The following ARHGAP12 variants were observed in gnomAD, a reference collection of about 807,000 sequenced individuals.
ARHGAP12 encodes the protein rho GTPase-activating protein 12.
In ARHGAP12, 64 loss-of-function variants were observed where a neutral mutation model predicts 108.6. That is an observed-to-expected ratio of 0.59 (90% CI 0.48 to 0.73). The LOEUF is 0.73. Ranked by LOEUF, ARHGAP12 falls within the 30% of genes least tolerant of loss-of-function variation. The probability of loss-of-function intolerance (pLI) is 0.00; values close to 1 mark genes in which losing one functional copy is unlikely to be tolerated. For missense variants in ARHGAP12, 940 were observed against 1,005.9 expected (o/e 0.93, Z 0.89); for synonymous variants, 312 against 337.2 (o/e 0.93, Z 0.82).
chr10:31,920,468 A>G (rs1316906337), intron 1 of ARHGAP12, among the ~76,000 whole-genome samples: 2 of 150,950 alleles, frequency 1.3e-5, no homozygotes, highest in East Asian at 3.9e-4. Context: ...AAAAAAAAAA[A>G]AAAGAAAACT....
chr10:31,839,735 A>C (rs1159261150), intron 7 of ARHGAP12, 24 bp from the exon 8 acceptor site: 3 of 1,554,482 alleles, frequency 1.9e-6, no homozygotes. Context: ...GTAATGAAAA[A>C]AGTTACTCTA....
chr10:31,891,579 G>C (rs1248849634), intron 3 of ARHGAP12, among the ~76,000 whole-genome samples: 1 of 150,528 alleles, frequency 6.6e-6, no homozygotes, highest in Non-Finnish European at 1.5e-5. Context: ...TCTTCTCGAG[G>C]AGTATCTCTG....
chr10:31,869,291 C>T (rs761095447), intron 3 of ARHGAP12, among the ~76,000 whole-genome samples: 4 of 152,226 alleles, frequency 2.6e-5, no homozygotes, highest in Non-Finnish European at 5.9e-5. Flanking sequence ...AATGCCAACA[C>T]TTCAGGAAGC....
intron 19 of ARHGAP12, 104 bp from the exon 20 acceptor site, chr10:31,807,936 A>C: frequency 1.2e-6 from 1 of 864,916 alleles, no homozygotes; most frequent in Non-Finnish European, 1.6e-6. Context: ...AAGAGAAGTA[A>C]TACTTATTTT....
chr10:31,823,510 A>AT (rs1174326244), intron 11 of ARHGAP12, among the ~76,000 whole-genome samples: 1 of 152,050 alleles, frequency 6.6e-6, no homozygotes, highest in Non-Finnish European at 1.5e-5. Context: ...ACCATGAATA[A>AT]TTTTTTAAAA....
Position 31,817,880 on chromosome 10 carries a change from T to C in ARHGAP12, c.1639A>G (p.Thr547Ala), listed in dbSNP as rs780112808. 3 of 1,609,590 alleles carry C rather than the reference T, an allele frequency of 1.9e-6. No individual in the cohort carries two copies. In the Admixed American group the frequency reaches 5.1e-5, roughly 27 times the overall value. The change falls in exon 13 of 20, where the codon ACT (threonine) becomes GCT (alanine). Residue 547 changes from threonine to alanine, a missense_variant. Thr to Ala is a moderately conservative substitution (Grantham distance 58, BLOSUM62 0). Coordinates refer to ENST00000344936, the MANE Select transcript of ARHGAP12 (RefSeq NM_018287.7). ...ATTAGCAGTTCTGTTCCTTGACGAGTTTTCAGCTTTAGAGAAAAGCAGGGA... is the reference window on the plus strand; with the variant it reads ...ATTAGCAGTTCTGTTCCTTGACGAGCTTTCAGCTTTAGAGAAAAGCAGGGA... ...SSKKNVFELK[T>A]RQGTELLIQS... is the part of the protein sequence containing the mutation.
chr10:31,817,276 A>T (rs1262073316), intron 13 of ARHGAP12, among the ~76,000 whole-genome samples: 2 of 152,150 alleles, frequency 1.3e-5, no homozygotes, highest in African/African-American at 4.8e-5. Context: ...ATATAAACCC[A>T]GGATTATTTT....
chr10:31,916,871 T>C (rs1027976038), intron 1 of ARHGAP12, among the ~76,000 whole-genome samples: 8 of 151,936 alleles, frequency 5.3e-5, no homozygotes, highest in Non-Finnish European at 1.0e-4. Flanking sequence ...CGCCTTGGCC[T>C]CCCAAAGTGC....
At chr10:31,901,213 C>CAA (rs59882437) in intron 3 of ARHGAP12, among the ~76,000 whole-genome samples, 32 of 118,382 alleles carry the variant, frequency 2.7e-4, no homozygotes, top group South Asian at 5.5e-4. Flanking sequence ...GAATCCGTCT[C>CAA]AAAAAAAAAA....
chr10:31,822,982 A>G (rs1835471005), intron 11 of ARHGAP12, among the ~76,000 whole-genome samples: 1 of 152,194 alleles, frequency 6.6e-6, no homozygotes. Flanking sequence ...AGAAATTTGA[A>G]AGCATGTACA....
intron 3 of ARHGAP12, among the ~76,000 whole-genome samples, chr10:31,885,590 G>A (rs1030081600): frequency 5.1e-4 from 77 of 152,166 alleles, no homozygotes; most frequent in African/African-American, 1.7e-3. Flanking sequence ...AGGCTGAGGC[G>A]GGTGGATCAC....
At chr10:31,896,006 G>A (rs1369790980) in intron 3 of ARHGAP12, among the ~76,000 whole-genome samples, 10 of 151,868 alleles carry the variant, frequency 6.6e-5, no homozygotes, top group South Asian at 2.1e-4. Context: ...ACCAAACACC[G>A]CATGTTCTCA....
intron 3 of ARHGAP12, among the ~76,000 whole-genome samples, chr10:31,870,176 T>C (rs181538775): frequency 1.3e-5 from 2 of 152,268 alleles, no homozygotes; most frequent in South Asian, 2.1e-4. Context: ...AAGACATTTA[T>C]GTATTTTTGT....
chr10:31,920,309 G>A (rs1839741435), intron 1 of ARHGAP12, among the ~76,000 whole-genome samples: 1 of 151,088 alleles, frequency 6.6e-6, no homozygotes, highest in Admixed American at 6.6e-5. Context: ...AATTAGCCAG[G>A]CGTGGTGGTG....
rs753706224 is a variant in ARHGAP12 at position 31,808,629 on chromosome 10, T to C, written c.2366+20A>G. On this transcript the variant is annotated intron_variant, in intron 19 of 19. Transcript: ENST00000344936. ...TCCCCTTGTGCTATACCACATCCCA[T>C]GACTGGGCAGTCCTCCTACCTTCTG... is the stretch of plus-strand genomic sequence containing the variant. 3.1e-6 allele frequency: 5 copies of C among 1,610,134 alleles called. No homozygotes were observed. Among genetic ancestry groups the C allele is most frequent in the Non-Finnish European group, 4.2e-6 (5 of 1,176,990 alleles).
intron 1 of ARHGAP12, among the ~76,000 whole-genome samples, chr10:31,917,072 C>T (rs138260682): frequency 2.6e-5 from 4 of 152,186 alleles, no homozygotes; most frequent in Admixed American, 6.5e-5. Context: ...CACTGAACTT[C>T]GCATCAAATC....
intron 6 of ARHGAP12, among the ~76,000 whole-genome samples, chr10:31,846,899 A>ATT (rs377177944): frequency 0.042 from 3,556 of 84,458 alleles, 68 homozygotes; most frequent in African/African-American, 0.063. Context: ...GGCACTGTTC[A>ATT]TTTTTTTTTT....
intron 10 of ARHGAP12, among the ~76,000 whole-genome samples, chr10:31,829,273 C>A (rs920906195): frequency 6.6e-6 from 1 of 152,044 alleles, no homozygotes. Context: ...TCCACCAATA[C>A]AAAATATCTA....
intron 19 of ARHGAP12, among the ~76,000 whole-genome samples, chr10:31,808,183 T>G (rs895923901): frequency 7.9e-5 from 12 of 151,982 alleles, no homozygotes; most frequent in Non-Finnish European, 1.3e-4. Context: ...GTGTGGAGAT[T>G]AAACTTTCCA....
Sources: allele counts gnomAD v4.1 joint callset (sites outside exome capture counted in the v4.1 genomes callset), GRCh38; gene constraint gnomAD v4.1.1; transcripts MANE v1.5; gene names NCBI Gene and HGNC (gene_info 2026-07-23, HGNC 2026-07-21).